SORCS3: variants seen among roughly 807,000 people sequenced by gnomAD.
The protein encoded by SORCS3 is sortilin related VPS10 domain containing receptor 3.
In SORCS3, 57 loss-of-function variants were observed where a neutral mutation model predicts 146.3. The observed-to-expected ratio is 0.39, with a 90% CI of 0.31 to 0.49. The LOEUF (loss-of-function observed/expected upper bound fraction) is 0.49, where lower values mean the gene tolerates loss of function less well. Ranked by LOEUF, SORCS3 falls within the 20% of genes least tolerant of loss-of-function variation. The pLI is 0.92. For synonymous variants in SORCS3, 653 were observed against 618.5 expected (o/e 1.06, Z -0.83); for missense variants, 1,341 against 1,575.5 (o/e 0.85, Z 2.52).
At chr10:105,082,285 C>T (rs918486962) in intron 5 of SORCS3, among the ~76,000 whole-genome samples, 15 of 152,050 alleles carry the variant, frequency 9.9e-5, no homozygotes, top group African/African-American at 3.6e-4. Flanking sequence ...GTAGCAGGGG[C>T]TTCTTATATC....
chr10:104,675,733 A>G (rs2015905505), intron 1 of SORCS3, among the ~76,000 whole-genome samples: 1 of 152,198 alleles, frequency 6.6e-6, no homozygotes. Context: ...CTATCCTAAT[A>G]CCAACATCAC....
intron 9 of SORCS3, among the ~76,000 whole-genome samples, chr10:105,152,821 T>G (rs2056177057): frequency 6.6e-6 from 1 of 152,180 alleles, no homozygotes; most frequent in South Asian, 2.1e-4. Flanking sequence ...ATTGTGCCTG[T>G]GAGATTACAG....
intron 1 of SORCS3, among the ~76,000 whole-genome samples, chr10:104,749,444 T>C (rs944139986): frequency 6.6e-6 from 1 of 152,172 alleles, no homozygotes; most frequent in Non-Finnish European, 1.5e-5. Context: ...TTCTTAAAAA[T>C]TGGGGCATCT....
chr10:104,751,557 G>A (rs1411815401), intron 1 of SORCS3, among the ~76,000 whole-genome samples: 1 of 152,084 alleles, frequency 6.6e-6, no homozygotes. Context: ...TTGCTCCAAA[G>A]CCCTTGCAAG....
chr10:105,035,949 A>C (rs2055303336), intron 4 of SORCS3, among the ~76,000 whole-genome samples: 1 of 152,058 alleles, frequency 6.6e-6, no homozygotes, highest in African/African-American at 2.4e-5. Context: ...TAAAGTCCTC[A>C]TTTTGTCCTT....
chr10:105,001,403 TAG>T (rs2055059871), intron 4 of SORCS3, among the ~76,000 whole-genome samples: 1 of 152,230 alleles, frequency 6.6e-6, no homozygotes, highest in South Asian at 2.1e-4. Flanking sequence ...GGCAATTTTC[TAG>T]AGAGAACAGA....
intron 5 of SORCS3, among the ~76,000 whole-genome samples, chr10:105,043,841 TCCTC>T (rs2055352725): frequency 1.3e-5 from 2 of 152,200 alleles, no homozygotes; most frequent in Non-Finnish European, 2.9e-5. Context: ...TATAAGCCCT[TCCTC>T]CTAATCAGGA....
chr10:105,254,893 A>T (rs1360988922), intron 23 of SORCS3, among the ~76,000 whole-genome samples: 2 of 152,194 alleles, frequency 1.3e-5, no homozygotes, highest in Non-Finnish European at 2.9e-5. Flanking sequence ...AAATCCACAT[A>T]GAAGTGGATC....
chr10:104,641,843 G>A lies in SORCS3; in HGVS notation c.516G>A (p.Arg172=). 1 of 1,567,320 alleles carries A rather than the reference G, an allele frequency of 6.4e-7. No homozygotes were observed. Among genetic ancestry groups the A allele is most frequent in the African/African-American group, 1.4e-5 (1 of 73,900 alleles). Residue 172 remains arginine (R), a synonymous_variant, in exon 1 of 27, where the codon CGG becomes CGA. Coordinates refer to ENST00000369701, the MANE Select transcript of SORCS3 (RefSeq NM_014978.3). This position sits in a 1 kb window ranked among gnomAD's most constrained non-coding sequence, Gnocchi z 6.4. ...CCCGGGAGGAGGTGAAGGCGCCGCG[G>A]GCTGGGGGGTCGGCGGCTGAAGACC... ...KGSREEVKAP[R]AGGSAAEDLR...
chr10:104,811,250 A>G (rs2017737473), intron 1 of SORCS3, among the ~76,000 whole-genome samples: 1 of 152,220 alleles, frequency 6.6e-6, no homozygotes, highest in African/African-American at 2.4e-5. Context: ...CCTGTTCTCA[A>G]AGAGGTCCCA....
chr10:104,840,861 T>C (rs1445976134), intron 1 of SORCS3, among the ~76,000 whole-genome samples: 2 of 10,892 alleles, frequency 1.8e-4, no homozygotes, highest in Admixed American at 1.1e-3. Context: ...AATGAAATGG[T>C]CTGACTTGCT....
At chr10:104,696,028 CAT>C (rs1157395342) in intron 1 of SORCS3, among the ~76,000 whole-genome samples, 2 of 131,328 alleles carry the variant, frequency 1.5e-5, no homozygotes, top group African/African-American at 2.9e-5. Context: ...ATCATATACA[CAT>C]ATAATATATA....
rs952192127 is a variant in SORCS3 at position 104,726,151 on chromosome 10, C to T, written c.627+84197C>T. Among the ~76,000 whole-genome samples, 3 of 152,178 alleles carry T rather than the reference C, an allele frequency of 2.0e-5. No homozygotes were observed. The South Asian group carries it at 6.2e-4, about 32-fold the overall frequency. ...TCTGCTCATAGGTCTTTAAAGTAAA[C>T]AAGTCTGTCATCAGAGGCAAATTCC... On this transcript the variant is annotated intron_variant, in intron 1 of 26. Coordinates refer to ENST00000369701, the MANE Select transcript of SORCS3 (RefSeq NM_014978.3).
At chr10:105,126,915 A>T (rs1200461399) in intron 7 of SORCS3, among the ~76,000 whole-genome samples, 1 of 152,142 alleles carries the variant, frequency 6.6e-6, no homozygotes, top group Non-Finnish European at 1.5e-5. Flanking sequence ...TACTGGCCTT[A>T]TATTGTCATT....
chr10:104,912,290 C>T (rs2018976949), intron 2 of SORCS3, among the ~76,000 whole-genome samples: 2 of 152,110 alleles, frequency 1.3e-5, no homozygotes, highest in South Asian at 4.1e-4. Context: ...TGCCTTAATG[C>T]CTTCAAGAGT....
At chr10:105,081,063 T>C (rs1472015899) in intron 5 of SORCS3, among the ~76,000 whole-genome samples, 1 of 152,228 alleles carries the variant, frequency 6.6e-6, no homozygotes, top group East Asian at 1.9e-4. Context: ...ATACAGTATA[T>C]CAAAACTTCA....
In SORCS3 at chr10:104,648,095, G is replaced by T. The variant is rs574104481; in HGVS notation, c.627+6141G>T. On this transcript the variant is annotated intron_variant, in intron 1 of 26. Coordinates refer to ENST00000369701, the MANE Select transcript of SORCS3 (RefSeq NM_014978.3). The stretch of plus-strand genomic sequence containing the variant: ...AATAACACATGACAACAAGACAGAT[G>T]CCATGGGGTGATATGTGGTTAATTG... Among the ~76,000 whole-genome samples the T allele has an allele frequency of 5.9e-5, 9 of 152,344 alleles. No homozygotes were observed. In the East Asian group the frequency reaches 1.7e-3, roughly 29 times the overall value.
chr10:104,750,735 TA>T (rs1236976252), intron 1 of SORCS3, among the ~76,000 whole-genome samples: 2 of 152,154 alleles, frequency 1.3e-5, no homozygotes, highest in African/African-American at 2.4e-5. Flanking sequence ...ATCCCAAAAT[TA>T]AACTGCACAA....
Position 105,121,002 on chromosome 10 carries a change from G to A in SORCS3, c.1212+15487G>A, listed in dbSNP as rs114614313. Among the ~76,000 whole-genome samples the A allele has an allele frequency of 1.6e-3, 250 of 152,272 alleles. 1 individual carries two copies. The highest frequency in any genetic ancestry group is 5.7e-3 in the African/African-American group (235 of 41,570). ...GTTTAATTATTCAGGATGCTTATAT[G>A]GAGGGAGCCAGCCTGTGAGTTCTGG... is the stretch of plus-strand genomic sequence containing the variant. On this transcript the variant is annotated intron_variant, in intron 7 of 26. Transcript: ENST00000369701.
Sources: allele counts gnomAD v4.1 joint callset (sites outside exome capture counted in the v4.1 genomes callset), GRCh38; gene constraint gnomAD v4.1.1; non-coding constraint Gnocchi (gnomAD v3.1); transcripts MANE v1.5; gene names NCBI Gene and HGNC (gene_info 2026-07-23, HGNC 2026-07-21).